The following SGK1 variants were observed in gnomAD, a reference collection of about 807,000 sequenced individuals.
The protein encoded by SGK1 is serine/threonine-protein kinase Sgk1.
SGK1 carries 26 observed loss-of-function variants against 64.2 expected under a neutral mutation model. That is an observed-to-expected ratio of 0.40 (90% CI 0.30 to 0.56). The LOEUF is 0.56. Ranked by LOEUF, SGK1 falls within the 20% of genes least tolerant of loss-of-function variation. The probability of loss-of-function intolerance (pLI) is 0.38; values close to 1 mark genes in which losing one functional copy is unlikely to be tolerated. For missense variants in SGK1, 519 were observed against 645.6 expected, an observed-to-expected ratio of 0.80 and a Z score of 2.12; for synonymous variants, 265 against 239.7, an observed-to-expected ratio of 1.11 and a Z score of -0.98.
intron 2 of SGK1, among the ~76,000 whole-genome samples, chr6:134,224,183 A>T (rs920937701): frequency 9.2e-5 from 14 of 152,252 alleles, no homozygotes; most frequent in Admixed American, 9.2e-4. Context: ...TTTGGATGGC[A>T]GAGATACAGG....
At chr6:134,275,872 A>G (rs979036071) in intron 1 of SGK1, among the ~76,000 whole-genome samples, 1 of 152,204 alleles carries the variant, frequency 6.6e-6, no homozygotes, top group African/African-American at 2.4e-5. Context: ...AACTTGGGAA[A>G]GCCATTGTCT....
chr6:134,229,079 C>G (rs1419851232), intron 2 of SGK1, among the ~76,000 whole-genome samples: 3 of 152,234 alleles, frequency 2.0e-5, no homozygotes, highest in African/African-American at 7.2e-5. Flanking sequence ...GATCCGCCCG[C>G]CTTGGCCTCC....
At chr6:134,259,323 A>G (rs1776728531) in intron 2 of SGK1, among the ~76,000 whole-genome samples, 2 of 152,060 alleles carry the variant, frequency 1.3e-5, no homozygotes, top group South Asian at 4.1e-4. Context: ...TAAGTCATAA[A>G]TAGTTCTTTA....
chr6:134,289,815 G>A (rs368405293), intron 1 of SGK1, among the ~76,000 whole-genome samples: 11 of 151,866 alleles, frequency 7.2e-5, no homozygotes, highest in African/African-American at 2.2e-4. Context: ...AGACCAGCCT[G>A]GGCGACACAG....
chr6:134,257,821 A>T (rs986499398), intron 2 of SGK1, among the ~76,000 whole-genome samples: 5 of 152,168 alleles, frequency 3.3e-5, no homozygotes, highest in African/African-American at 1.2e-4. Context: ...TCATCTACTA[A>T]CTACTACAAA....
At chr6:134,290,988 T>C (rs1403070070) in intron 1 of SGK1, among the ~76,000 whole-genome samples, 3 of 152,152 alleles carry the variant, frequency 2.0e-5, no homozygotes. Context: ...GGGAAGAAGA[T>C]GATGAGAAGG....
At chr6:134,290,899 C>T (rs917538670) in intron 1 of SGK1, among the ~76,000 whole-genome samples, 3 of 152,064 alleles carry the variant, frequency 2.0e-5, no homozygotes, top group African/African-American at 4.8e-5. Context: ...GTTTCTAGCA[C>T]CTAGCAGAGG....
At chr6:134,216,254 T>G (rs1775979097) in intron 2 of SGK1, among the ~76,000 whole-genome samples, 1 of 152,178 alleles carries the variant, frequency 6.6e-6, no homozygotes, top group Admixed American at 6.5e-5. Context: ...TGTGCTAAAG[T>G]CATTAGTTCT....
chr6:134,254,256 T>G (rs1486087159), intron 2 of SGK1, among the ~76,000 whole-genome samples: 1 of 152,104 alleles, frequency 6.6e-6, no homozygotes, highest in East Asian at 1.9e-4. Flanking sequence ...ACACATTCGA[T>G]TCACAACTGC....
intron 2 of SGK1, among the ~76,000 whole-genome samples, chr6:134,253,796 C>T (rs4896032): frequency 0.56 from 84,984 of 151,902 alleles, 24,368 homozygotes; most frequent in South Asian, 0.66. Flanking sequence ...CTTCTGTTTG[C>T]AGCACCGTGG....
intron 3 of SGK1, among the ~76,000 whole-genome samples, chr6:134,183,765 T>C (rs1485854747): frequency 6.6e-6 from 1 of 152,122 alleles, no homozygotes; most frequent in South Asian, 2.1e-4. Context: ...AAGGAACTTC[T>C]GGAGGCCCAG....
At chr6:134,241,254 TG>T (rs1328524345) in intron 2 of SGK1, among the ~76,000 whole-genome samples, 1 of 152,080 alleles carries the variant, frequency 6.6e-6, no homozygotes, top group Admixed American at 6.6e-5. Context: ...TTCACCATGT[TG>T]CCCAGGCTTC....
chr6:134,175,620 C>G (rs1425806990), intron 3 of SGK1: 1 of 1,542,032 alleles, frequency 6.5e-7, no homozygotes, highest in Admixed American at 1.9e-5. Flanking sequence ...GCAGCAGGGA[C>G]TCGAGCCGGG....
At chr6:134,226,360 T>TC (rs1776178885) in intron 2 of SGK1, among the ~76,000 whole-genome samples, 1 of 152,116 alleles carries the variant, frequency 6.6e-6, no homozygotes, top group South Asian at 2.1e-4. Flanking sequence ...AAAGGTGTTT[T>TC]TTTTTCTTTT....
intron 1 of SGK1, chr6:134,298,649 GC>G: frequency 7.5e-7 from 1 of 1,336,158 alleles, no homozygotes; most frequent in Non-Finnish European, 1.1e-6. Flanking sequence ...AGGCCCGGGG[GC>G]CAGAGATGGA....
At chr6:134,264,276 T>C (rs1024213251) in intron 1 of SGK1, among the ~76,000 whole-genome samples, 9 of 152,052 alleles carry the variant, frequency 5.9e-5, no homozygotes, top group East Asian at 5.8e-4. Flanking sequence ...CCTGCCACCA[T>C]GCCTGGCTAA....
chr6:134,183,754 G>A (rs1036904721), intron 3 of SGK1, among the ~76,000 whole-genome samples: 25 of 151,982 alleles, frequency 1.6e-4, no homozygotes, highest in Non-Finnish European at 4.4e-5. Flanking sequence ...AATAAACCCA[G>A]AAGGAACTTC....
In SGK1 at chr6:134,212,639, G is replaced by GGGACAGCTTTCAGGAA. The variant is rs538980492; in HGVS notation, c.286-5224_286-5209dup. On this transcript the variant is annotated intron_variant, in intron 2 of 13. Transcript: ENST00000367858. The stretch of plus-strand genomic sequence containing the variant: ...CACAAAACTAAGGAGTTGGTTTTGA[G>GGGACAGCTTTCAGGAA]GGACAGCTTTCAGGAAGGACAGCCA... Among the ~76,000 whole-genome samples, 10 of 152,250 alleles carry GGGACAGCTTTCAGGAA rather than the reference G, an allele frequency of 6.6e-5. No individual in the cohort carries two copies. In the East Asian group the frequency reaches 1.4e-3, roughly 21 times the overall value.
At chr6:134,309,292 A>G (rs961157813) in intron 1 of SGK1, among the ~76,000 whole-genome samples, 3 of 152,194 alleles carry the variant, frequency 2.0e-5, no homozygotes, top group Non-Finnish European at 2.9e-5. Flanking sequence ...CTTTCTCCAC[A>G]TGCCATGGCA....
Sources: gnomAD v4.1 joint callset for allele counts (sites outside exome capture counted in the v4.1 genomes callset) on GRCh38, gnomAD v4.1.1 for gene constraint, MANE v1.5 for transcripts, NCBI Gene and HGNC (gene_info 2026-07-23, HGNC 2026-07-21) for gene names.